Variants in MEGF10 observed in about 807,000 individuals in gnomAD.
The protein encoded by MEGF10 is multiple epidermal growth factor-like domains protein 10.
A neutral mutation model predicts 147.5 loss-of-function variants in MEGF10; 86 were observed. The observed-to-expected ratio is 0.58, with a 90% CI of 0.49 to 0.70. The LOEUF (loss-of-function observed/expected upper bound fraction) is 0.70. MEGF10 is among the 30% of genes least tolerant of loss of function. The probability of loss-of-function intolerance (pLI) is 0.00; values close to 1 mark genes in which losing one functional copy is unlikely to be tolerated. For missense variants in MEGF10, 1,329 were observed against 1,487.3 expected (o/e 0.89, Z 1.75); for synonymous variants, 478 against 525.5 (o/e 0.91, Z 1.24).
chr5:127,447,612 C>T lies in MEGF10; in HGVS notation c.2784C>T (p.Pro928=). 1 of 1,614,186 alleles carries T rather than the reference C, an allele frequency of 6.2e-7. No individual in the cohort carries two copies. Among genetic ancestry groups the T allele is most frequent in the South Asian group, 1.1e-5 (1 of 91,078 alleles). ...CTAATAGCCACTACTTCACCAATCC[C>T]AGTTACCACACGCTCACCCAGTGTG... ...GNANSHYFTN[P]SYHTLTQCAT... The change falls in exon 21 of 25, where the codon CCC becomes CCT. Residue 928 remains proline, a synonymous_variant. Coordinates refer to ENST00000503335, the MANE Select transcript of MEGF10 (RefSeq NM_001256545.2).
chr5:127,406,789 A>G (rs1174175217), intron 8 of MEGF10, among the ~76,000 whole-genome samples: 2 of 152,248 alleles, frequency 1.3e-5, no homozygotes, highest in Non-Finnish European at 2.9e-5. Flanking sequence ...AACATGACAC[A>G]GTCAAGTAAG....
At chr5:127,423,011 C>G (rs956474421) in intron 13 of MEGF10, among the ~76,000 whole-genome samples, 16 of 152,098 alleles carry the variant, frequency 1.1e-4, no homozygotes, top group African/African-American at 3.6e-4. Flanking sequence ...TTCAGGCCAG[C>G]AAGATGGGGA....
chr5:127,440,891 C>T, intron 18 of MEGF10, 24 bp downstream of exon 18: 2 of 1,605,238 alleles, frequency 1.2e-6, no homozygotes, highest in Middle Eastern at 1.7e-4. Flanking sequence ...TGTGGCATCA[C>T]TGGGTGGTAT....
chr5:127,247,440 G>T, the MEGF10 span, among the ~76,000 whole-genome samples: 1 of 113,284 alleles, frequency 8.8e-6, no homozygotes, highest in East Asian at 2.2e-4. Context: ...AGAAGAAGAA[G>T]AAGAAGAAGA....
chr5:127,254,159 T>A, the MEGF10 span, among the ~76,000 whole-genome samples: 3 of 152,112 alleles, frequency 2.0e-5, no homozygotes, highest in Non-Finnish European at 4.4e-5. Context: ...TGTTTTTCTT[T>A]TTCAGTTTTG....
chr5:127,444,290 A>G (rs555793284), intron 19 of MEGF10: 86 of 152,324 alleles, frequency 5.6e-4, no homozygotes, highest in Admixed American at 5.2e-3. Context: ...TACAACATTT[A>G]ATTTCTTTGG....
the MEGF10 span, among the ~76,000 whole-genome samples, chr5:127,270,262 G>C: frequency 1.3e-3 from 202 of 152,284 alleles, 2 homozygotes; most frequent in Non-Finnish European, 2.4e-3. Context: ...TGGGCTAAAT[G>C]CTCCAATTAA....
upstream of MEGF10, among the ~76,000 whole-genome samples, chr5:127,289,374 T>C (rs1299546314): frequency 6.6e-6 from 1 of 152,204 alleles, no homozygotes; most frequent in African/African-American, 2.4e-5. Context: ...TCTAGAATTA[T>C]TTGTGCCTGT....
At chr5:127,328,171 C>T (rs1761114176) in intron 1 of MEGF10, among the ~76,000 whole-genome samples, 1 of 152,166 alleles carries the variant, frequency 6.6e-6, no homozygotes, top group Admixed American at 6.5e-5. Flanking sequence ...GTCTTCTCTC[C>T]TCATCGTCTA....
At chr5:127,371,120 C>G (rs1762830908) in intron 5 of MEGF10, among the ~76,000 whole-genome samples, 1 of 151,728 alleles carries the variant, frequency 6.6e-6, no homozygotes, top group Non-Finnish European at 1.5e-5. Context: ...AGGGGAAGCC[C>G]TTGTGCTGTC....
At chr5:127,426,449 G>A (rs1290971868) in intron 13 of MEGF10, among the ~76,000 whole-genome samples, 2 of 151,988 alleles carry the variant, frequency 1.3e-5, no homozygotes, top group Non-Finnish European at 2.9e-5. Flanking sequence ...GTCATTTTTA[G>A]CCAATACACT....
intron 5 of MEGF10, among the ~76,000 whole-genome samples, chr5:127,390,263 A>G (rs1454735358): frequency 6.6e-6 from 1 of 151,730 alleles, no homozygotes; most frequent in Non-Finnish European, 1.5e-5. Flanking sequence ...GTTCATTCTG[A>G]TATATTGCTA....
chr5:127,440,843 T>C lies in MEGF10; in HGVS notation c.2338T>C (p.Phe780Leu), dbSNP rs371145876. Residue 780 changes from phenylalanine to leucine, a missense_variant, in exon 18 of 25, where the codon TTC (phenylalanine) becomes CTC (leucine). Physicochemically the swap from Phe to Leu is conservative, Grantham distance 22. Around this residue, in one of 3 missense-constraint regions of MEGF10, gnomAD observed 980 missense variants for 1,085.9 expected, o/e 0.90. Coordinates refer to ENST00000503335, the MANE Select transcript of MEGF10 (RefSeq NM_001256545.2). The part of the protein sequence containing the change: ...ISGQCTCRTG[F>L]MGRHCEQKCP... ...TGGGCAGTGTACTTGCCGCACTGGATTCATGGGACGGCACTGTGAGCAGAG... is the reference window on the plus strand; with the variant it reads ...TGGGCAGTGTACTTGCCGCACTGGACTCATGGGACGGCACTGTGAGCAGAG... The C allele has an allele frequency of 7.4e-6, 12 of 1,613,964 alleles. No homozygotes were observed. The highest frequency in any genetic ancestry group is 1.0e-5 in the Non-Finnish European group (12 of 1,179,974).
chr5:127,433,476 G>A lies in MEGF10; in HGVS notation c.1807G>A (p.Ala603Thr). The change falls in exon 14 of 25, where the codon GCA (alanine) becomes ACA (threonine). Residue 603 changes from alanine to threonine, a missense_variant. By Grantham distance (58) the Ala-to-Thr change is moderately conservative. Around this residue, in one of 3 missense-constraint regions of MEGF10, gnomAD observed 980 missense variants for 1,085.9 expected, o/e 0.90. Transcript: ENST00000503335. ...CCCTGATGATGGCATCTGCGAGTGT[G>A]CACCAGGCTTCCGAGGCACCACTTG... ...CSPDDGICEC[A>T]PGFRGTTCQR... is the part of the protein sequence containing the mutation. 6.2e-7 allele frequency: 1 copy of A among 1,612,340 alleles called. No individual in the cohort carries two copies. Among genetic ancestry groups the A allele is most frequent in the Non-Finnish European group, 8.5e-7 (1 of 1,179,188 alleles).
Position 127,459,374 on chromosome 5 carries a change from CCA to C in MEGF10, c.*2057_*2058del, listed in dbSNP as rs992347749. 3 of 152,150 alleles carry C rather than the reference CCA, an allele frequency of 2.0e-5. No individual in the cohort carries two copies. Among genetic ancestry groups the C allele is most frequent in the African/African-American group, 7.2e-5 (3 of 41,428 alleles). The allele number at this position is 152,150 out of a possible 1,614,324, so 9.4% of individuals were successfully genotyped here. On this transcript the variant is annotated 3_prime_UTR_variant, in exon 25 of 25. Transcript: ENST00000503335. ...AGGCCTTAGAAACAATTGATTTATTCCAATAGTTAACCACTGGCTGGCTCCCA... is the reference window on the plus strand; with the variant it reads ...AGGCCTTAGAAACAATTGATTTATTCATAGTTAACCACTGGCTGGCTCCCA...
chr5:127,300,947 T>C (rs1759738798), intron 1 of MEGF10, among the ~76,000 whole-genome samples: 1 of 152,238 alleles, frequency 6.6e-6, no homozygotes, highest in Non-Finnish European at 1.5e-5. Flanking sequence ...GCAAATCTTT[T>C]CATTCCCACT....
the MEGF10 span, among the ~76,000 whole-genome samples, chr5:127,266,069 C>A: frequency 2.0e-5 from 3 of 152,096 alleles, no homozygotes; most frequent in African/African-American, 7.2e-5. Context: ...ACATTTAAGT[C>A]TTTAATCCAT....
the MEGF10 span, among the ~76,000 whole-genome samples, chr5:127,258,965 A>G: frequency 6.6e-6 from 1 of 152,166 alleles, no homozygotes; most frequent in Non-Finnish European, 1.5e-5. Flanking sequence ...GATCAAGGCG[A>G]CTATGGTGGT....
At chr5:127,310,054 C>A (rs71592869) in intron 1 of MEGF10, among the ~76,000 whole-genome samples, 1 of 123,808 alleles carries the variant, frequency 8.1e-6, no homozygotes, top group Non-Finnish European at 1.7e-5. Context: ...TTATTTCTTT[C>A]TTTCTTTCTT....
Sources: gnomAD v4.1 joint callset for allele counts (sites outside exome capture counted in the v4.1 genomes callset) on GRCh38, gnomAD v4.1.1 for gene constraint, gnomAD v4.1.1 regional missense constraint, MANE v1.5 for transcripts, NCBI Gene and HGNC (gene_info 2026-07-23, HGNC 2026-07-21) for gene names.